Variants in COX7B2 observed in about 807,000 individuals in gnomAD.
The protein encoded by COX7B2 is cytochrome c oxidase subunit 7B2, also known as cytochrome c oxidase subunit 7B2, mitochondrial.
For missense variants in COX7B2, 109 were observed against 95.9 expected, an observed-to-expected ratio of 1.14 and a Z score of -0.57; for synonymous variants, 37 against 32.1, an observed-to-expected ratio of 1.15 and a Z score of -0.51.
intron 2 of COX7B2, among the ~76,000 whole-genome samples, chr4:46,751,741 G>C (rs1715393510): frequency 6.6e-6 from 1 of 152,056 alleles, no homozygotes; most frequent in Non-Finnish European, 1.5e-5. Context: ...GGTGAGACCA[G>C]GCAAAGATTA....
At chr4:46,746,379 A>G (rs562480759) in intron 2 of COX7B2, among the ~76,000 whole-genome samples, 1 of 152,376 alleles carries the variant, frequency 6.6e-6, no homozygotes, top group Admixed American at 6.5e-5. Context: ...AAAGTGGCAC[A>G]AAGATCTAAG....
intron 1 of COX7B2, among the ~76,000 whole-genome samples, chr4:46,870,843 C>T (rs1234600603): frequency 6.6e-6 from 1 of 151,948 alleles, no homozygotes; most frequent in African/African-American, 2.4e-5. Context: ...ATAGAAGACA[C>T]AGACAAACGG....
intron 2 of COX7B2, among the ~76,000 whole-genome samples, chr4:46,827,512 T>A (rs1714778458): frequency 6.6e-6 from 1 of 152,108 alleles, no homozygotes; most frequent in South Asian, 2.1e-4. Context: ...CTACTGAAAG[T>A]ACCCTACAAA....
intron 2 of COX7B2, among the ~76,000 whole-genome samples, chr4:46,762,517 G>A (rs942169086): frequency 1.4e-5 from 2 of 141,528 alleles, no homozygotes; most frequent in East Asian, 4.0e-4. Flanking sequence ...TGATTAAGTA[G>A]AAAAACTGAG....
intron 2 of COX7B2, among the ~76,000 whole-genome samples, chr4:46,840,890 G>A (rs969487852): frequency 6.6e-6 from 1 of 151,962 alleles, no homozygotes; most frequent in Non-Finnish European, 1.5e-5. Flanking sequence ...TAAAAGTAGA[G>A]CTGGGTTTTG....
At chr4:46,751,145 T>A (rs1479643046) in intron 2 of COX7B2, among the ~76,000 whole-genome samples, 4 of 152,014 alleles carry the variant, frequency 2.6e-5, no homozygotes, top group Admixed American at 1.3e-4. Flanking sequence ...ATTTTTTTTT[T>A]AGTTTTGTTG....
At chr4:46,782,096 C>G (rs1043068718) in intron 2 of COX7B2, among the ~76,000 whole-genome samples, 1 of 152,174 alleles carries the variant, frequency 6.6e-6, no homozygotes, top group Non-Finnish European at 1.5e-5. Context: ...TGCGCAGGAT[C>G]CACTAGGCAA....
intron 2 of COX7B2, among the ~76,000 whole-genome samples, chr4:46,811,068 T>G (rs1278987837): frequency 6.6e-6 from 1 of 152,206 alleles, no homozygotes; most frequent in Non-Finnish European, 1.5e-5. Flanking sequence ...CTCTTACTGC[T>G]TTTAAAATTC....
At chr4:46,793,568 G>A (rs1293803599) in intron 2 of COX7B2, among the ~76,000 whole-genome samples, 3 of 152,194 alleles carry the variant, frequency 2.0e-5, no homozygotes, top group Non-Finnish European at 2.9e-5. Flanking sequence ...CTGCCAAAGT[G>A]TTGGAAGAAA....
intron 1 of COX7B2, among the ~76,000 whole-genome samples, chr4:46,878,956 A>T (rs1718526245): frequency 6.6e-6 from 1 of 152,192 alleles, no homozygotes; most frequent in Non-Finnish European, 1.5e-5. Flanking sequence ...AAGACTCAAG[A>T]TTATATTACT....
chr4:46,755,168 C>G (rs1247319831), intron 2 of COX7B2, among the ~76,000 whole-genome samples: 1 of 151,854 alleles, frequency 6.6e-6, no homozygotes, highest in Admixed American at 6.6e-5. Context: ...ATCACATAAA[C>G]AGAATTAAGG....
chr4:46,850,420 C>T (rs1163122846), intron 1 of COX7B2, among the ~76,000 whole-genome samples: 8 of 152,086 alleles, frequency 5.3e-5, no homozygotes, highest in Non-Finnish European at 7.4e-5. Context: ...ATTTTCAAGA[C>T]GGAGCGGGAA....
intron 2 of COX7B2, among the ~76,000 whole-genome samples, chr4:46,824,896 C>T (rs1714573634): frequency 1.3e-5 from 2 of 151,988 alleles, no homozygotes; most frequent in African/African-American, 2.4e-5. Context: ...ATAATAGAAG[C>T]CGTCTATGAC....
intron 2 of COX7B2, among the ~76,000 whole-genome samples, chr4:46,843,943 G>A (rs954753607): frequency 1.3e-5 from 2 of 151,894 alleles, no homozygotes; most frequent in South Asian, 2.1e-4. Context: ...CCTGGTGGCA[G>A]GTAATAAATA....
At chr4:46,861,574 C>T (rs1394062608) in intron 1 of COX7B2, among the ~76,000 whole-genome samples, 1 of 152,116 alleles carries the variant, frequency 6.6e-6, no homozygotes, top group Admixed American at 6.6e-5. Flanking sequence ...AGGTCTAGTA[C>T]AAATTGGAAA....
At chr4:46,805,298 G>A (rs182543422) in intron 2 of COX7B2, among the ~76,000 whole-genome samples, 1 of 152,364 alleles carries the variant, frequency 6.6e-6, no homozygotes, top group East Asian at 1.9e-4. Context: ...TCAAGGCCGA[G>A]GAGGTGCCGA....
At chr4:46,787,177 G>T (rs1717793503) in intron 2 of COX7B2, among the ~76,000 whole-genome samples, 1 of 152,224 alleles carries the variant, frequency 6.6e-6, no homozygotes, top group South Asian at 2.1e-4. Context: ...GGCAGGTGCG[G>T]TGGCTCACGC....
Position 46,891,136 on chromosome 4 carries a change from T to A in COX7B2, c.-105+18024A>T, listed in dbSNP as rs778136012. Among the ~76,000 whole-genome samples the A allele has an allele frequency of 2.2e-4, 33 of 152,254 alleles. No homozygotes were observed. In the Middle Eastern group the frequency reaches 0.01, roughly 47 times the overall value. On this transcript the variant is annotated intron_variant, in intron 1 of 2. Transcript: ENST00000355591. ...ACAACAGAGATTATCCCAAAATTTC[T>A]CACCTAAGTAACTAGACGTTACTGT...
chr4:46,906,545 G>A (rs1310917718), intron 1 of COX7B2, among the ~76,000 whole-genome samples: 3 of 151,960 alleles, frequency 2.0e-5, no homozygotes, highest in Admixed American at 6.6e-5. Context: ...TATTAATTTG[G>A]TCTCTTCTCC....
Sources: gnomAD v4.1 joint callset for allele counts (sites outside exome capture counted in the v4.1 genomes callset) on GRCh38, gnomAD v4.1.1 for gene constraint, MANE v1.5 for transcripts, NCBI Gene and HGNC (gene_info 2026-07-23, HGNC 2026-07-21) for gene names.